CNTNAP2: variants seen among roughly 807,000 people sequenced by gnomAD.
The protein encoded by CNTNAP2 is contactin-associated protein-like 2.
CNTNAP2 carries 98 observed loss-of-function variants against 155.2 expected under a neutral mutation model. That is an observed-to-expected ratio of 0.63 (90% CI 0.54 to 0.75). The LOEUF is 0.75. Among genes scored for constraint, CNTNAP2 ranks in the 30% least tolerant of loss-of-function variants. CNTNAP2 has a pLI of 0.00. For synonymous variants in CNTNAP2, 651 were observed against 631.2 expected (o/e 1.03, Z -0.47); for missense variants, 1,727 against 1,688.1 (o/e 1.02, Z -0.40).
intron 20 of CNTNAP2, among the ~76,000 whole-genome samples, chr7:148,244,304 C>G (rs760445270): frequency 6.6e-6 from 1 of 152,098 alleles, no homozygotes; most frequent in Admixed American, 6.5e-5. Context: ...TTTTGTCTCA[C>G]AAGTTCTCTC....
At chr7:146,221,961 C>A (rs1378129146) in intron 1 of CNTNAP2, among the ~76,000 whole-genome samples, 1 of 152,022 alleles carries the variant, frequency 6.6e-6, no homozygotes, top group African/African-American at 2.4e-5. Flanking sequence ...ATGGTAGCAG[C>A]ACATCACTAA....
intron 8 of CNTNAP2, among the ~76,000 whole-genome samples, chr7:147,166,836 A>G (rs62481837): frequency 0.064 from 9,729 of 152,206 alleles, 335 homozygotes; most frequent in African/African-American, 0.086. Flanking sequence ...TCATCAATTA[A>G]GACAGGAACG....
chr7:148,142,819 T>A (rs1805102314), intron 16 of CNTNAP2, among the ~76,000 whole-genome samples: 1 of 152,176 alleles, frequency 6.6e-6, no homozygotes, highest in African/African-American at 2.4e-5. Context: ...ATTTGTTGAG[T>A]TAGAATGAGA....
intron 1 of CNTNAP2, among the ~76,000 whole-genome samples, chr7:146,270,615 T>A (rs912383450): frequency 6.6e-5 from 10 of 152,142 alleles, no homozygotes; most frequent in Non-Finnish European, 1.3e-4. Context: ...TTTATGATCA[T>A]TTTTTACATA....
chr7:147,059,955 A>C (rs556817940), intron 4 of CNTNAP2, among the ~76,000 whole-genome samples: 2 of 152,228 alleles, frequency 1.3e-5, no homozygotes, highest in East Asian at 3.9e-4. Context: ...TCCAGAATTG[A>C]TTAATCATTG....
intron 4 of CNTNAP2, among the ~76,000 whole-genome samples, chr7:147,090,004 G>T (rs954331027): frequency 6.6e-6 from 1 of 152,142 alleles, no homozygotes; most frequent in African/African-American, 2.4e-5. Context: ...TTCACTTTAT[G>T]TCTCTACAGT....
chr7:147,947,745 A>G (rs1194006850), intron 14 of CNTNAP2, among the ~76,000 whole-genome samples: 1 of 152,178 alleles, frequency 6.6e-6, no homozygotes, highest in Non-Finnish European at 1.5e-5. Context: ...TCTGAGGCTT[A>G]TTTCTGATGC....
intron 1 of CNTNAP2, among the ~76,000 whole-genome samples, chr7:146,765,517 A>G (rs1802179209): frequency 6.6e-6 from 1 of 152,212 alleles, no homozygotes; most frequent in African/African-American, 2.4e-5. Context: ...TCAGTAATTC[A>G]TTGATTCAAC....
chr7:147,021,609 G>A (rs2129246703), intron 3 of CNTNAP2, among the ~76,000 whole-genome samples: 1 of 152,182 alleles, frequency 6.6e-6, no homozygotes, highest in East Asian at 1.9e-4. Context: ...ACAACCTCAA[G>A]GTTTCTCCAA....
chr7:147,446,903 G>A (rs867086901), intron 10 of CNTNAP2, among the ~76,000 whole-genome samples: 4 of 152,176 alleles, frequency 2.6e-5, no homozygotes, highest in Non-Finnish European at 5.9e-5. Context: ...TGTGACTAAA[G>A]AAGAGTTAAA....
intron 1 of CNTNAP2, among the ~76,000 whole-genome samples, chr7:146,631,423 C>T (rs747511103): frequency 1.3e-4 from 20 of 152,106 alleles, no homozygotes; most frequent in Non-Finnish European, 2.5e-4. Flanking sequence ...TATGGGCATG[C>T]CTCCTACACT....
intron 13 of CNTNAP2, among the ~76,000 whole-genome samples, chr7:147,735,268 T>C (rs1306236868): frequency 6.6e-6 from 1 of 152,218 alleles, no homozygotes; most frequent in East Asian, 1.9e-4. Context: ...TCTGTCTTCA[T>C]TTTATTATGT....
chr7:147,714,366 A>G (rs896933706), intron 13 of CNTNAP2, among the ~76,000 whole-genome samples: 5 of 152,206 alleles, frequency 3.3e-5, no homozygotes, highest in South Asian at 2.1e-4. Context: ...GAAAGGGAAA[A>G]GTACTTGGGA....
intron 3 of CNTNAP2, among the ~76,000 whole-genome samples, chr7:146,996,394 C>T (rs1563037017): frequency 6.6e-6 from 1 of 151,946 alleles, no homozygotes; most frequent in Non-Finnish European, 1.5e-5. Flanking sequence ...ATATGTTTCA[C>T]CAATTTTTCA....
At chr7:147,848,988 C>G (rs1798871152) in intron 13 of CNTNAP2, among the ~76,000 whole-genome samples, 1 of 151,904 alleles carries the variant, frequency 6.6e-6, no homozygotes, top group East Asian at 1.9e-4. Flanking sequence ...ATCACTTATG[C>G]CAGGCTCCAG....
Position 147,128,805 on chromosome 7 carries a change from C to A in CNTNAP2, c.1052C>A (p.Ala351Asp). 6.2e-7 allele frequency: 1 copy of A among 1,613,956 alleles called. No homozygotes were observed. The highest frequency in any genetic ancestry group is 8.5e-7 in the Non-Finnish European group (1 of 1,179,928). The stretch of plus-strand genomic sequence containing the variant: ...AATGGCGTCAACATTACTGATCTTG[C>A]CAGAAGGAAGAAATTAGAGCCCTCA... ...NYNGVNITDLARRKKLEPSNV... is the reference protein window; with the variant it reads ...NYNGVNITDLDRRKKLEPSNV... The change falls in exon 7 of 24, where the codon GCC becomes GAC. Residue 351 changes from alanine to aspartate, a missense_variant. By Grantham distance (126) the Ala-to-Asp change is moderately radical (BLOSUM62 -2). Coordinates refer to ENST00000361727, the MANE Select transcript of CNTNAP2 (RefSeq NM_014141.6).
chr7:146,719,641 T>C (rs1801251320), intron 1 of CNTNAP2, among the ~76,000 whole-genome samples: 1 of 152,156 alleles, frequency 6.6e-6, no homozygotes, highest in African/African-American at 2.4e-5. Flanking sequence ...ATATTCTTTC[T>C]AATTGAAAAG....
In CNTNAP2 at chr7:146,489,180, A is replaced by C. The variant is rs558887586; in HGVS notation, c.98-285091A>C. 2.6e-5 allele frequency among the ~76,000 whole-genome samples: 4 copies of C among 152,268 alleles called. No individual in the cohort carries two copies. The South Asian group carries it at 8.3e-4, about 32-fold the overall frequency. On this transcript the variant is annotated intron_variant, in intron 1 of 23. Coordinates refer to ENST00000361727, the MANE Select transcript of CNTNAP2 (RefSeq NM_014141.6). ...ATTCTTAGGTTAAACCTTTTTTCAC[A>C]TGTACCCTATAAATATGTACAAATA...
intron 9 of CNTNAP2, among the ~76,000 whole-genome samples, chr7:147,322,535 T>C (rs897289666): frequency 1.3e-5 from 2 of 151,858 alleles, no homozygotes; most frequent in East Asian, 1.9e-4. Context: ...TCTAAAATTC[T>C]CTTTTTTGGT....
Sources: allele counts gnomAD v4.1 joint callset (sites outside exome capture counted in the v4.1 genomes callset), GRCh38; gene constraint gnomAD v4.1.1; transcripts MANE v1.5; gene names NCBI Gene and HGNC (gene_info 2026-07-23, HGNC 2026-07-21).